The following MCCC2 variants were observed in gnomAD, a reference collection of about 807,000 sequenced individuals.
MCCC2 encodes the protein methylcrotonyl-CoA carboxylase subunit 2.
In MCCC2, 52 loss-of-function variants were observed where a neutral mutation model predicts 77.2. The observed-to-expected ratio is 0.67, with a 90% CI of 0.54 to 0.85. The LOEUF (loss-of-function observed/expected upper bound fraction) is 0.85, where lower values mean the gene tolerates loss of function less well. MCCC2 is among the 40% of genes least tolerant of loss of function. The probability of loss-of-function intolerance (pLI) is 0.00; values close to 1 mark genes in which losing one functional copy is unlikely to be tolerated. For missense variants in MCCC2, 682 were observed against 703.2 expected (o/e 0.97, Z 0.34); for synonymous variants, 253 against 248.4 (o/e 1.02, Z -0.18).
In MCCC2 at chr5:71,587,359, G is replaced by C. The variant is rs1744797141; in HGVS notation, c.-67G>C. On this transcript the variant is annotated 5_prime_UTR_variant, in exon 1 of 17. Transcript: ENST00000340941. ...GAGCTCAGCTTCCGCCCCAGCCAGG[G>C]AAGCGGCAGGGGAAAGCACCGGCTC... 3 of 1,515,900 alleles carry C rather than the reference G, an allele frequency of 2.0e-6. No homozygotes were observed. The highest frequency in any genetic ancestry group is 2.6e-6 in the Non-Finnish European group (3 of 1,137,692). The allele number at this position is 1,515,900 out of a possible 1,614,324, so 93.9% of individuals were successfully genotyped here.
At chr5:71,594,382 G>A (rs980988781) in intron 2 of MCCC2, among the ~76,000 whole-genome samples, 4 of 152,136 alleles carry the variant, frequency 2.6e-5, no homozygotes, top group Non-Finnish European at 5.9e-5. Context: ...TACAAAATTA[G>A]CTGGGTGTGG....
At chr5:71,603,440 T>C (rs1028049160) in intron 5 of MCCC2, among the ~76,000 whole-genome samples, 15 of 125,176 alleles carry the variant, frequency 1.2e-4, no homozygotes, top group South Asian at 2.5e-4. Flanking sequence ...AAAAAAAAAA[T>C]GGGCCTTTCC....
At chr5:71,619,063 A>G (rs1276731810) in intron 6 of MCCC2, among the ~76,000 whole-genome samples, 2 of 151,816 alleles carry the variant, frequency 1.3e-5, no homozygotes, top group Non-Finnish European at 2.9e-5. Flanking sequence ...TATTCTGCCT[A>G]TTTTCACTTC....
intron 3 of MCCC2, among the ~76,000 whole-genome samples, chr5:71,599,004 C>A (rs771021162): frequency 2.0e-5 from 3 of 151,952 alleles, no homozygotes; most frequent in Non-Finnish European, 4.4e-5. Context: ...AGCAGTCCAC[C>A]CACTTGAGCC....
chr5:71,636,889 A>G (rs1318574108), intron 10 of MCCC2, among the ~76,000 whole-genome samples: 5 of 151,268 alleles, frequency 3.3e-5, no homozygotes, highest in African/African-American at 7.3e-5. Context: ...GATTACAGGC[A>G]CCCGCCACCA....
At chr5:71,599,227 G>C (rs746005712) in intron 3 of MCCC2, among the ~76,000 whole-genome samples, 7 of 152,064 alleles carry the variant, frequency 4.6e-5, no homozygotes, top group Non-Finnish European at 8.8e-5. Context: ...AAAATTAGCT[G>C]GTTGTGGTGG....
Position 71,587,446 on chromosome 5 carries a change from A to G in MCCC2, c.21A>G (p.Leu7=). The G allele has an allele frequency of 6.5e-7, 1 of 1,535,188 alleles. No individual in the cohort carries two copies. The highest frequency in any genetic ancestry group is 8.7e-7 in the Non-Finnish European group (1 of 1,146,306). Residue 7 remains leucine, a synonymous_variant, in exon 1 of 17, where the codon TTA becomes TTG. Transcript: ENST00000340941. ...CCGCCATGTGGGCCGTCCTGAGGTT[A>G]GCCCTGCGGCCGTGTGCCCGCGCCT... is the stretch of plus-strand genomic sequence containing the variant. MWAVLR[L]ALRPCARASP...
chr5:71,608,855 T>G (rs1745798105), intron 6 of MCCC2, among the ~76,000 whole-genome samples: 1 of 152,230 alleles, frequency 6.6e-6, no homozygotes, highest in South Asian at 2.1e-4. Flanking sequence ...TATGAAATTC[T>G]GGGTTGCAAA....
intron 6 of MCCC2, among the ~76,000 whole-genome samples, chr5:71,624,308 A>G (rs150254654): frequency 0.01 from 1,552 of 152,348 alleles, 26 homozygotes; most frequent in African/African-American, 0.036. Flanking sequence ...AGTCTGTAGT[A>G]GATGGTATGA....
chr5:71,608,667 A>G (rs1293829937), intron 6 of MCCC2, among the ~76,000 whole-genome samples: 1 of 152,162 alleles, frequency 6.6e-6, no homozygotes, highest in African/African-American at 2.4e-5. Flanking sequence ...GTTTCTTCCT[A>G]GTCTTGAAGG....
Position 71,587,530 on chromosome 5 carries a change from G to C in MCCC2, c.105G>C (p.Pro35=). 6.5e-7 allele frequency: 1 copy of C among 1,538,188 alleles called. No individual in the cohort carries two copies. Among genetic ancestry groups the C allele is most frequent in the South Asian group, 1.2e-5 (1 of 84,114 alleles). Residue 35 remains proline (P), a synonymous_variant, in exon 1 of 17, where the codon CCG becomes CCC. Coordinates refer to ENST00000340941, the MANE Select transcript of MCCC2 (RefSeq NM_022132.5). The part of the protein sequence containing the change: ...GDSVASLGTQ[P]DLGSALYQEN... The stretch of plus-strand genomic sequence containing the variant: ...CGGTGGCCTCGCTGGGCACCCAGCC[G>C]GACTTGGGCTCTGCCCTCTACCAGG...
intron 6 of MCCC2, among the ~76,000 whole-genome samples, chr5:71,604,972 A>T (rs1745611471): frequency 7.0e-6 from 1 of 142,714 alleles, no homozygotes; most frequent in Admixed American, 7.4e-5. Flanking sequence ...TTCTTAATCC[A>T]GTCTATCATT....
chr5:71,601,522 T>C (rs1229267508), intron 4 of MCCC2, among the ~76,000 whole-genome samples: 1 of 152,200 alleles, frequency 6.6e-6, no homozygotes, highest in Non-Finnish European at 1.5e-5. Context: ...TTATATGACC[T>C]AGGGAATAAA....
In MCCC2 at chr5:71,653,282, C is replaced by A. The variant is rs575097486; in HGVS notation, c.1574+528C>A. ...CGGCGCCAAATAATTACCTCACAGA[C>A]CATTGCCGCTGTTGGCTCGGTTTTT... On this transcript the variant is annotated intron_variant, in intron 16 of 16. Transcript: ENST00000340941. Among the ~76,000 whole-genome samples the A allele has an allele frequency of 6.8e-4, 103 of 152,254 alleles. 1 individual carries two copies. Among genetic ancestry groups the A allele is most frequent in the African/African-American group, 2.2e-3 (93 of 41,542 alleles).
chr5:71,626,374 GTAGTCT>G (rs1746527016), intron 6 of MCCC2, among the ~76,000 whole-genome samples: 2 of 152,214 alleles, frequency 1.3e-5, no homozygotes, highest in Admixed American at 1.3e-4. Context: ...TTTCAGGCCA[GTAGTCT>G]ATCAGGCCAG....
rs1163160664 is a variant in MCCC2, at chr5:71,619,779, C to T, written c.625-6861C>T. Among the ~76,000 whole-genome samples, 3 of 152,156 alleles carry T rather than the reference C, an allele frequency of 2.0e-5. No individual in the cohort carries two copies. The East Asian group carries it at 5.8e-4, about 29-fold the overall frequency. On this transcript the variant is annotated intron_variant, in intron 6 of 16. Coordinates refer to ENST00000340941, the MANE Select transcript of MCCC2 (RefSeq NM_022132.5). Reference sequence around the variant, plus strand: ...GGCTGAGGTGGGCAGATCACGAGGTCAGGAGATCGAGACCATCCTGGCTAA... The same window carrying T: ...GGCTGAGGTGGGCAGATCACGAGGTTAGGAGATCGAGACCATCCTGGCTAA...
intron 4 of MCCC2, among the ~76,000 whole-genome samples, chr5:71,601,690 G>A (rs1490241525): frequency 6.6e-6 from 1 of 152,136 alleles, no homozygotes; most frequent in Non-Finnish European, 1.5e-5. Flanking sequence ...GTTGTAGGCA[G>A]CATAAAGTGA....
At chr5:71,619,556 C>T (rs1283549985) in intron 6 of MCCC2, among the ~76,000 whole-genome samples, 2 of 151,798 alleles carry the variant, frequency 1.3e-5, no homozygotes, top group Non-Finnish European at 2.9e-5. Context: ...TGTGGCCTCT[C>T]GTTGTTTTAT....
At chr5:71,651,916 A>G (rs973370317) in intron 15 of MCCC2, among the ~76,000 whole-genome samples, 4 of 152,210 alleles carry the variant, frequency 2.6e-5, no homozygotes, top group Non-Finnish European at 4.4e-5. Flanking sequence ...GAATTCATTC[A>G]TTTTTATACA....
Sources: allele counts gnomAD v4.1 joint callset (sites outside exome capture counted in the v4.1 genomes callset), GRCh38; gene constraint gnomAD v4.1.1; transcripts MANE v1.5; gene names NCBI Gene and HGNC (gene_info 2026-07-23, HGNC 2026-07-21).